The following IDH2 variants were observed in gnomAD, a reference collection of about 807,000 sequenced individuals.
IDH2 encodes the protein isocitrate dehydrogenase [NADP], mitochondrial.
IDH2 carries 18 observed loss-of-function variants against 50.5 expected under a neutral mutation model. That is an observed-to-expected ratio of 0.36 (90% confidence interval 0.25 to 0.53). The LOEUF (loss-of-function observed/expected upper bound fraction) is 0.53, where lower values mean the gene tolerates loss of function less well. IDH2 is among the 20% of genes least tolerant of loss of function. The pLI is 0.92. For missense variants in IDH2, 518 were observed against 610.7 expected, an observed-to-expected ratio of 0.85 and a Z score of 1.60; for synonymous variants, 280 against 239.8, an observed-to-expected ratio of 1.17 and a Z score of -1.55.
chr15:90,091,500 C>CA, intron 2 of IDH2, 53 bp downstream of exon 2: 1 of 1,408,992 alleles, frequency 7.1e-7, no homozygotes, highest in Non-Finnish European at 1.0e-6. Context: ...TGGGACAGAA[C>CA]AATCCCTGGC....
At chr15:90,086,062 T>G (rs553972816) in intron 7 of IDH2, among the ~76,000 whole-genome samples, 1 of 152,330 alleles carries the variant, frequency 6.6e-6, no homozygotes, top group African/African-American at 2.4e-5. Context: ...CTTAGACACT[T>G]AAGGTTCATT....
In IDH2 at chr15:90,088,267, T is replaced by TG. The variant is rs976932788; in HGVS notation, c.678+91dup. 9.9e-5 allele frequency: 149 copies of TG among 1,507,860 alleles called. No individual in the cohort carries two copies. In the Middle Eastern group the frequency reaches 1.2e-3, roughly 12 times the overall value. 93.4% of individuals were successfully genotyped at this position (1,507,860 alleles called of 1,614,324 possible). A position where few individuals can be genotyped will look rare whatever the true frequency, so the allele number is the denominator to read the frequency against. The stretch of plus-strand genomic sequence containing the variant: ...TTTCTGCCTCTTTGTGGCCTAAGAA[T>TG]GAGGCCATTACAGAAGAAAGGAAAG... On this transcript the variant is annotated intron_variant, in intron 5 of 10. Coordinates refer to ENST00000330062, the MANE Select transcript of IDH2 (RefSeq NM_002168.4).
Position 90,085,299 on chromosome 15 carries a change from G to C in IDH2, c.1056C>G (p.Thr352=). The part of the protein sequence containing the change: ...IEAEAAHGTV[T]RHYREHQKGR... ...CCTTCTGGTGCTCCCGATAGTGGCG[G>C]GTGACGGTCCCATGAGCGGCCTCAG... Residue 352 remains threonine (T), a synonymous_variant, in exon 8 of 11, where the codon ACC becomes ACG. Coordinates refer to ENST00000330062, the MANE Select transcript of IDH2 (RefSeq NM_002168.4). The surrounding 1 kb of genome is among the most constrained non-coding windows in gnomAD (Gnocchi z 5.5). 6.4e-7 allele frequency: 1 copy of C among 1,552,712 alleles called. No homozygotes were observed. The highest frequency in any genetic ancestry group is 8.7e-7 in the Non-Finnish European group (1 of 1,147,494).
At chr15:90,089,193 T>A (rs1900964318) in intron 3 of IDH2, among the ~76,000 whole-genome samples, 1 of 151,950 alleles carries the variant, frequency 6.6e-6, no homozygotes, top group Non-Finnish European at 1.5e-5. Flanking sequence ...GGATTACAGG[T>A]GTGAGCCACC....
rs956543166 is a variant in IDH2, at chr15:90,090,629, C to T, written c.223G>A (p.Val75Met). The change falls in exon 3 of 11, where the codon GTG becomes ATG. Residue 75 changes from valine (V) to methionine (M), a missense_variant. By Grantham distance (21) the Val-to-Met change is conservative (BLOSUM62 1). Coordinates refer to ENST00000330062, the MANE Select transcript of IDH2 (RefSeq NM_002168.4). ...TCAAAATACTTTAGCTGGATGTCCA[C>T]GTGGGGCAGGATGAGCTGGGGACAG... ...FIKEKLILPH[V>M]DIQLKYFDLG... 8.1e-6 allele frequency: 13 copies of T among 1,614,016 alleles called. No individual in the cohort carries two copies. Among genetic ancestry groups the T allele is most frequent in the Middle Eastern group, 1.6e-4 (1 of 6,084 alleles).
chr15:90,088,633 C>A lies in IDH2; in HGVS notation c.488G>T (p.Gly163Val), dbSNP rs1435266782. ...GCCAATGGTGATGGGCTTGGTCCAG[C>A]CAGGGACTAGGCGTGGGATGTTTTT... ...ICKNIPRLVP[G>V]WTKPITIGRH... The change falls in exon 4 of 11, where the codon GGC (glycine) becomes GTC (valine). Residue 163 changes from glycine to valine, a missense_variant. By Grantham distance (109) the Gly-to-Val change is moderately radical. Around this residue, in one of 5 missense-constraint regions of IDH2, gnomAD observed 207 missense variants for 208.6 expected, o/e 0.99. Coordinates refer to ENST00000330062, the MANE Select transcript of IDH2 (RefSeq NM_002168.4). The A allele has an allele frequency of 6.2e-7, 1 of 1,614,094 alleles. No homozygotes were observed.
At chr15:90,088,882 A>ATG (rs985238133) in intron 3 of IDH2, 135 bp from the exon 4 acceptor site, 25 of 791,426 alleles carry the variant, frequency 3.2e-5, no homozygotes, top group African/African-American at 6.9e-5. Context: ...TAGAGTGCAA[A>ATG]TGTGTGGGCT....
Position 90,090,049 on chromosome 15 carries a change from A to C in IDH2, c.373+430T>G, listed in dbSNP as rs576873629. 1.3e-4 allele frequency among the ~76,000 whole-genome samples: 19 copies of C among 151,798 alleles called. 1 individual carries two copies. The East Asian group carries it at 3.1e-3, about 25-fold the overall frequency. On this transcript the variant is annotated intron_variant, in intron 3 of 10. Transcript: ENST00000330062. ...CACGCCAGAATGGACTACTGCCCAA[A>C]GAAGCCATCCTTACTGTGACCACAT...
Position 90,083,989 on chromosome 15 carries a change from G to C in IDH2, c.*277C>G, listed in dbSNP as rs769187854. 1.9e-6 allele frequency: 1 copy of C among 519,372 alleles called. No homozygotes were observed. The highest frequency in any genetic ancestry group is 3.5e-6 in the Non-Finnish European group (1 of 284,822). 32.2% of individuals were successfully genotyped at this position (519,372 alleles called of 1,614,324 possible). A position where few individuals can be genotyped will look rare whatever the true frequency, so the allele number is the denominator to read the frequency against. Reference sequence around the variant, plus strand: ...AACACAGCAGACAATTTTGTGAAGAGCTTTTTAGTAGCTAAATATGGCACC... The same window carrying C: ...AACACAGCAGACAATTTTGTGAAGACCTTTTTAGTAGCTAAATATGGCACC... On this transcript the variant is annotated 3_prime_UTR_variant, in exon 11 of 11. Transcript: ENST00000330062.
Position 90,088,446 on chromosome 15 carries a change from G to A in IDH2, c.591C>T (p.Thr197=), listed in dbSNP as rs769450167. Residue 197 remains threonine, a synonymous_variant, in exon 5 of 11, where the codon ACC becomes ACT. Coordinates refer to ENST00000330062, the MANE Select transcript of IDH2 (RefSeq NM_002168.4). ...CCTTGACACCACTGCCATCTTTTGG[G>A]GTGAAGACCATTTTGAAAGTGCCGG... ...DRAGTFKMVF[T]PKDGSGVKEW... is the part of the protein sequence containing the mutation. 2 of 1,614,194 alleles carry A rather than the reference G, an allele frequency of 1.2e-6. No homozygotes were observed. Among genetic ancestry groups the A allele is most frequent in the Non-Finnish European group, 1.7e-6 (2 of 1,180,030 alleles).
chr15:90,100,205 T>C lies in IDH2; in HGVS notation c.115+2071A>G, dbSNP rs1024335639. Among the ~76,000 whole-genome samples, 1 of 152,190 alleles carries C rather than the reference T, an allele frequency of 6.6e-6. No individual in the cohort carries two copies. The highest frequency in any genetic ancestry group is 2.4e-5 in the African/African-American group (1 of 41,450). On this transcript the variant is annotated intron_variant, in intron 1 of 10. Coordinates refer to ENST00000330062, the MANE Select transcript of IDH2 (RefSeq NM_002168.4). The surrounding 1 kb of genome is among the most constrained non-coding windows in gnomAD (Gnocchi z 4.1). ...TTGCAATCTGCTGGTATTTTTAACA[T>C]GGGTTTACAGAGTATAAACCCCAGG...
Position 90,084,407 on chromosome 15 carries a change from A to C in IDH2, c.1272-54T>G, listed in dbSNP as rs2151546297. ...GGTGGCTCCAGGCCTTGCCAAGGCC[A>C]TCAGCCAGGCCCTTCCAGGGAACAG... On this transcript the variant is annotated intron_variant, in intron 10 of 10. Transcript: ENST00000330062. This position sits in a 1 kb window ranked among gnomAD's most constrained non-coding sequence, Gnocchi z 5.0. The C allele has an allele frequency of 6.7e-7, 1 of 1,498,032 alleles. No individual in the cohort carries two copies. Among genetic ancestry groups the C allele is most frequent in the Non-Finnish European group, 9.2e-7 (1 of 1,084,708 alleles). 92.8% of individuals were successfully genotyped at this position (1,498,032 alleles called of 1,614,324 possible). A position where few individuals can be genotyped will look rare whatever the true frequency, so the allele number is the denominator to read the frequency against.
rs28397672 is a variant in IDH2, at chr15:90,085,153, G to A, written c.1081-55C>T. ...AGCCGAGCCAGCTAGTGAGGAGGCTGCCCAGATACAGCTGCCCGCCCCTGG... is the reference window on the plus strand; with the variant it reads ...AGCCGAGCCAGCTAGTGAGGAGGCTACCCAGATACAGCTGCCCGCCCCTGG... On this transcript the variant is annotated intron_variant, in intron 8 of 10. Transcript: ENST00000330062. The surrounding 1 kb of genome is among the most constrained non-coding windows in gnomAD (Gnocchi z 5.5). The A allele has an allele frequency of 1.3e-6, 2 of 1,573,638 alleles. No individual in the cohort carries two copies. Among genetic ancestry groups the A allele is most frequent in the South Asian group, 1.1e-5 (1 of 90,256 alleles).
At chr15:90,101,980 C>T (rs1046543383) in intron 1 of IDH2, among the ~76,000 whole-genome samples, 1 of 151,936 alleles carries the variant, frequency 6.6e-6, no homozygotes, top group Non-Finnish European at 1.5e-5. Context: ...CTCAGGACCC[C>T]CTCCCGAAAT....
intron 3 of IDH2, among the ~76,000 whole-genome samples, chr15:90,089,445 G>A (rs745812027): frequency 2.6e-5 from 4 of 152,164 alleles, no homozygotes; most frequent in Non-Finnish European, 4.4e-5. Context: ...GACGAAGCCT[G>A]ACAACACACT....
chr15:90,102,343 G>C lies in IDH2; in HGVS notation c.48C>G (p.Gly16=). 7.3e-7 allele frequency: 1 copy of C among 1,369,206 alleles called. No homozygotes were observed. Among genetic ancestry groups the C allele is most frequent in the South Asian group, 1.6e-5 (1 of 63,660 alleles). 84.8% of individuals were successfully genotyped at this position (1,369,206 alleles called of 1,614,324 possible). The change falls in exon 1 of 11, where the codon GGC becomes GGG. Residue 16 remains glycine, a synonymous_variant. Coordinates refer to ENST00000330062, the MANE Select transcript of IDH2 (RefSeq NM_002168.4). ...CCGCCGGCGCCCAGGCCGGCCGCGA[G>C]CCTGAGGCTCTGCAGAGCGAGCGCA... ...RVVRSLCRAS[G]SRPAWAPAAL... is the part of the protein sequence containing the mutation.
intron 1 of IDH2, among the ~76,000 whole-genome samples, chr15:90,093,538 C>A (rs922488796): frequency 6.6e-6 from 1 of 152,164 alleles, no homozygotes; most frequent in Non-Finnish European, 1.5e-5. Context: ...CAATGCTGTA[C>A]AATGTGATTC....
At chr15:90,088,911 T>C (rs967743384) in intron 3 of IDH2, among the ~76,000 whole-genome samples, 164 bp from the exon 4 acceptor site, 2 of 138,700 alleles carry the variant, frequency 1.4e-5, no homozygotes, top group Non-Finnish European at 3.1e-5. Context: ...TGCCAATTTT[T>C]TTTTTTTTTT....
At chr15:90,088,064 G>A (rs954398353) in intron 5 of IDH2, among the ~76,000 whole-genome samples, 1 of 151,886 alleles carries the variant, frequency 6.6e-6, no homozygotes, top group Admixed American at 6.6e-5. Context: ...GCAGGAGTAC[G>A]CCTGGAGCTG....
Sources: allele counts gnomAD v4.1 joint callset (sites outside exome capture counted in the v4.1 genomes callset), GRCh38; gene constraint gnomAD v4.1.1; regional missense constraint gnomAD v4.1.1; non-coding constraint Gnocchi (gnomAD v3.1); transcripts MANE v1.5; gene names NCBI Gene and HGNC (gene_info 2026-07-23, HGNC 2026-07-21).